CAMK2D: variants seen among roughly 807,000 people sequenced by gnomAD.
CAMK2D encodes the protein calcium/calmodulin dependent protein kinase II delta, also known as calcium/calmodulin-dependent protein kinase type II subunit delta.
CAMK2D carries 37 observed loss-of-function variants against 84.0 expected under a neutral mutation model. The observed-to-expected ratio is 0.44, with a 90% CI of 0.34 to 0.58. CAMK2D has a LOEUF of 0.58. CAMK2D is among the 20% of genes least tolerant of loss of function. The probability of loss-of-function intolerance (pLI) is 0.02; values close to 1 mark genes in which losing one functional copy is unlikely to be tolerated. For missense variants in CAMK2D, 448 were observed against 652.5 expected, an observed-to-expected ratio of 0.69 and a Z score of 3.41; for synonymous variants, 202 against 212.5, an observed-to-expected ratio of 0.95 and a Z score of 0.43.
At chr4:113,552,000 T>C in intron 5 of CAMK2D, 31 bp downstream of exon 5, 1 of 1,076,496 alleles carries the variant, frequency 9.3e-7, no homozygotes, top group Non-Finnish European at 1.4e-6. Flanking sequence ...GAATGTTGAG[T>C]CTTGTATCTT....
At chr4:113,740,841 T>C (rs994087464) in intron 2 of CAMK2D, among the ~76,000 whole-genome samples, 1 of 152,192 alleles carries the variant, frequency 6.6e-6, no homozygotes, top group Non-Finnish European at 1.5e-5. Context: ...AGTAGTCTCC[T>C]CTTAATTCAG....
At chr4:113,492,450 T>A (rs560039961) in intron 16 of CAMK2D, among the ~76,000 whole-genome samples, 5 of 152,316 alleles carry the variant, frequency 3.3e-5, no homozygotes, top group Admixed American at 3.3e-4. Context: ...AGTTGAGCGG[T>A]TTTGAGTGAG....
intron 2 of CAMK2D, among the ~76,000 whole-genome samples, chr4:113,700,193 C>T (rs569218188): frequency 2.0e-5 from 3 of 152,206 alleles, no homozygotes; most frequent in South Asian, 4.2e-4. Context: ...CAACCATTTC[C>T]CTGCCCCCAA....
At chr4:113,457,702 G>A (rs1022209774) in intron 18 of CAMK2D, 139 bp from the exon 19 acceptor site, 1 of 654,266 alleles carries the variant, frequency 1.5e-6, no homozygotes, top group African/African-American at 1.8e-5. Flanking sequence ...TCTACTATTT[G>A]TACTAATTGG....
intron 2 of CAMK2D, among the ~76,000 whole-genome samples, chr4:113,715,504 T>C (rs1440813818): frequency 6.6e-6 from 1 of 152,172 alleles, no homozygotes; most frequent in Non-Finnish European, 1.5e-5. Context: ...GAATATAAAT[T>C]AGATTCAACA....
rs1296596934 is a variant in CAMK2D, at chr4:113,462,288, GTGTGTGTCTGTCTGTC to G, written c.1212-2063_1212-2048del. Among the ~76,000 whole-genome samples the G allele has an allele frequency of 1.5e-4, 13 of 84,224 alleles. No individual in the cohort carries two copies. In the South Asian group the frequency reaches 5.3e-3, roughly 34 times the overall value. The allele number at this position is 84,224 out of a possible 152,430, so 55.3% of individuals were successfully genotyped here. A position where few individuals can be genotyped will look rare whatever the true frequency, so the allele number is the denominator to read the frequency against. ...GAAATGTGTGTGTGTGTGTGTGTGTGTGTGTGTCTGTCTGTCTGTCTGTCTGTCTGTCTGTCTGTCT... is the reference window on the plus strand; with the variant it reads ...GAAATGTGTGTGTGTGTGTGTGTGTGTGTCTGTCTGTCTGTCTGTCTGTCT... On this transcript the variant is annotated intron_variant, in intron 17 of 20. Coordinates refer to ENST00000511664, the MANE Select transcript of CAMK2D (RefSeq NM_001321571.2).
At chr4:113,522,279 T>G (rs912598971) in intron 8 of CAMK2D, among the ~76,000 whole-genome samples, 1 of 152,186 alleles carries the variant, frequency 6.6e-6, no homozygotes, top group Non-Finnish European at 1.5e-5. Flanking sequence ...AGACAGTTAC[T>G]GAATATTCTA....
chr4:113,734,379 A>T (rs1245287024), intron 2 of CAMK2D, among the ~76,000 whole-genome samples: 5 of 152,222 alleles, frequency 3.3e-5, no homozygotes, highest in African/African-American at 1.2e-4. Flanking sequence ...GGTCATAAAA[A>T]TACTTCTTGA....
intron 2 of CAMK2D, among the ~76,000 whole-genome samples, chr4:113,704,755 C>T (rs564843256): frequency 6.6e-6 from 1 of 151,996 alleles, no homozygotes; most frequent in East Asian, 1.9e-4. Context: ...GGTTAAGAAC[C>T]TTTTCACTAA....
intron 4 of CAMK2D, among the ~76,000 whole-genome samples, chr4:113,576,471 A>G (rs1304817251): frequency 2.6e-5 from 4 of 152,150 alleles, no homozygotes; most frequent in African/African-American, 9.7e-5. Flanking sequence ...ATAATCATCA[A>G]TATTAGAAGA....
At position 113,500,227 on chromosome 4, in the gene CAMK2D, A is replaced by G. The variant is rs185676113; in HGVS notation, c.1135+236T>C. Among the ~76,000 whole-genome samples the G allele has an allele frequency of 2.6e-5, 4 of 152,248 alleles. No individual in the cohort carries two copies. The East Asian group carries it at 7.7e-4, about 29-fold the overall frequency. ...TGTCATTACTGCAATGTGCTAGAAT[A>G]TGCTACATGTCTACAGTTCAAAATA... On this transcript the variant is annotated intron_variant, in intron 16 of 20. Transcript: ENST00000511664.
intron 18 of CAMK2D, among the ~76,000 whole-genome samples, 197 bp from the exon 19 acceptor site, chr4:113,457,760 CTTTAT>C (rs2097322199): frequency 6.6e-6 from 1 of 152,124 alleles, no homozygotes; most frequent in African/African-American, 2.4e-5. Context: ...TGGATACAGT[CTTTAT>C]TTTATCTGGT....
In CAMK2D at chr4:113,451,598, C is replaced by A. The variant is rs1200856579; in HGVS notation, c.*2947G>T. 6.6e-6 allele frequency: 1 copy of A among 152,050 alleles called. No individual in the cohort carries two copies. Among genetic ancestry groups the A allele is most frequent in the African/African-American group, 2.4e-5 (1 of 41,418 alleles). The allele number at this position is 152,050 out of a possible 1,614,324, so 9.4% of individuals were successfully genotyped here. On this transcript the variant is annotated 3_prime_UTR_variant, in exon 21 of 21. Coordinates refer to ENST00000511664, the MANE Select transcript of CAMK2D (RefSeq NM_001321571.2). ...ATTAAAACAAGGACTATCTGGGTAC[C>A]CCTTGAGGCTTCTGTTATCAAAAGG...
At chr4:113,505,096 T>TA in intron 13 of CAMK2D, 61 bp from the exon 14 acceptor site, 2 of 944,218 alleles carry the variant, frequency 2.1e-6, no homozygotes, top group Non-Finnish European at 3.2e-6. Context: ...CCAATGTCTC[T>TA]AGATGCAGCA....
chr4:113,515,332 A>G (rs2154168025), intron 9 of CAMK2D, 141 bp from the exon 10 acceptor site: 3 of 564,146 alleles, frequency 5.3e-6, no homozygotes, highest in Non-Finnish European at 9.1e-6. Flanking sequence ...TTGTATCTAA[A>G]ATAAATAAAA....
chr4:113,526,443 T>TGTGC (rs1553930491), intron 8 of CAMK2D, among the ~76,000 whole-genome samples: 1 of 151,986 alleles, frequency 6.6e-6, no homozygotes, highest in Admixed American at 6.6e-5. Context: ...TGTGTGTGTG[T>TGTGC]GCATGCATGT....
chr4:113,624,984 T>C (rs1236166300), intron 3 of CAMK2D, among the ~76,000 whole-genome samples: 4 of 152,214 alleles, frequency 2.6e-5, no homozygotes, highest in Non-Finnish European at 5.9e-5. Context: ...ATGTCCTTGA[T>C]AGAAGCAAAG....
chr4:113,676,360 T>G (rs2099318265), intron 2 of CAMK2D, among the ~76,000 whole-genome samples: 1 of 152,202 alleles, frequency 6.6e-6, no homozygotes, highest in Non-Finnish European at 1.5e-5. Flanking sequence ...AAAATCACAG[T>G]TGCTGGCCAT....
At chr4:113,567,655 G>GT (rs1374316818) in intron 4 of CAMK2D, among the ~76,000 whole-genome samples, 3 of 152,320 alleles carry the variant, frequency 2.0e-5, no homozygotes, top group Middle Eastern at 3.4e-3. Context: ...AAGCATGGAA[G>GT]TTAGTCACCT....
Sources: allele counts gnomAD v4.1 joint callset (sites outside exome capture counted in the v4.1 genomes callset), GRCh38; gene constraint gnomAD v4.1.1; transcripts MANE v1.5; gene names NCBI Gene and HGNC (gene_info 2026-07-23, HGNC 2026-07-21).